Variants in MLXIPL observed in about 807,000 individuals in gnomAD.
MLXIPL encodes carbohydrate-responsive element-binding protein.
MLXIPL carries 49 observed loss-of-function variants against 81.5 expected under a neutral mutation model. The ratio of observed to expected loss-of-function variants is 0.60; its 90% CI spans 0.48 to 0.76. The LOEUF (loss-of-function observed/expected upper bound fraction) is 0.76, where lower values mean the gene tolerates loss of function less well. Ranked by LOEUF, MLXIPL falls within the 30% of genes least tolerant of loss-of-function variation. MLXIPL has a pLI of 0.00. For missense variants in MLXIPL, 1,053 were observed against 1,167.0 expected (o/e 0.90, Z 1.42); for synonymous variants, 466 against 485.5 (o/e 0.96, Z 0.53).
intron 2 of MLXIPL, 107 bp from the exon 3 acceptor site, chr7:73,607,779 A>G: frequency 1.1e-6 from 1 of 949,918 alleles, no homozygotes; most frequent in Non-Finnish European, 1.6e-6. Context: ...TTGGCCTTTG[A>G]CGTTCAGATT....
chr7:73,647,419 G>C, the MLXIPL span, among the ~76,000 whole-genome samples: 1 of 152,104 alleles, frequency 6.6e-6, no homozygotes, highest in Admixed American at 6.5e-5. Flanking sequence ...GACTCCCTGG[G>C]CCCCCTCTCA....
chr7:73,606,038 C>G lies in MLXIPL; in HGVS notation c.692G>C (p.Gly231Ala). Residue 231 changes from glycine (G) to alanine (A), a missense_variant, in exon 6 of 17, where the codon GGG (glycine) becomes GCG (alanine). Coordinates refer to ENST00000313375, the MANE Select transcript of MLXIPL (RefSeq NM_032951.3). ...CCCACCCGGCTCCTCCTCTGGGTCCCCCAGCAGCACGGGGACCACACTGGA... is the reference window on the plus strand; with the variant it reads ...CCCACCCGGCTCCTCCTCTGGGTCCGCCAGCAGCACGGGGACCACACTGGA... ...LFSSVVPVLL[G>A]DPEEEPGGRQ... The G allele has an allele frequency of 1.3e-6, 2 of 1,589,996 alleles. No individual in the cohort carries two copies. Among genetic ancestry groups the G allele is most frequent in the Non-Finnish European group, 1.7e-6 (2 of 1,168,208 alleles).
In MLXIPL at chr7:73,596,318, G is replaced by T; in HGVS notation, c.1938+46C>A. ...GTGAGCCTAGGAAGGAGCCCAGGAGGGCCTGGGGGTAGCAAACCGATCTTG... is the reference window on the plus strand; with the variant it reads ...GTGAGCCTAGGAAGGAGCCCAGGAGTGCCTGGGGGTAGCAAACCGATCTTG... On this transcript the variant is annotated intron_variant, in intron 12 of 16. Transcript: ENST00000313375. This position sits in a 1 kb window ranked among gnomAD's most constrained non-coding sequence, Gnocchi z 4.7. The T allele has an allele frequency of 1.2e-6, 2 of 1,613,108 alleles. No individual in the cohort carries two copies. The highest frequency in any genetic ancestry group is 1.7e-6 in the Non-Finnish European group (2 of 1,179,830).
chr7:73,624,136 C>T (rs1291996334), intron 1 of MLXIPL, 64 bp downstream of exon 1: 7 of 1,226,506 alleles, frequency 5.7e-6, no homozygotes, highest in East Asian at 5.6e-5. Context: ...CGCAGTCCTG[C>T]CCCGGACCCC....
At chr7:73,603,290 T>C (rs139414499) in intron 7 of MLXIPL, among the ~76,000 whole-genome samples, 1 of 152,264 alleles carries the variant, frequency 6.6e-6, no homozygotes, top group Non-Finnish European at 1.5e-5. Context: ...CCCACACTTT[T>C]TCCCCCATGC....
rs200461807 is a variant in MLXIPL, at chr7:73,596,742, C to T, written c.1719G>A (p.Pro573=). 1.8e-5 allele frequency: 29 copies of T among 1,595,452 alleles called. No homozygotes were observed. Among genetic ancestry groups the T allele is most frequent in the African/African-American group, 5.3e-5 (4 of 74,768 alleles). ...EFPCTFLPPT[P]APTPPRPPPG... is the part of the protein sequence containing the mutation. ...GAGGTGGCCGGGGCGGTGTAGGGGC[C>T]GGGGTCGGGGGAAGGAATGTGCAGG... The change falls in exon 11 of 17, where the codon CCG becomes CCA. Residue 573 remains proline, a synonymous_variant. Transcript: ENST00000313375. The surrounding 1 kb of genome is among the most constrained non-coding windows in gnomAD (Gnocchi z 4.7).
In MLXIPL at chr7:73,599,710, C is replaced by T. The variant is rs1296450906; in HGVS notation, c.902-15G>A. On this transcript the variant is annotated splice_polypyrimidine_tract_variant and intron_variant, in intron 7 of 16. Transcript: ENST00000313375. ...GGTAAAGAAATCTGTAATTCAGACA[C>T]ACAGGGCAACAGCAGTTAGGGCCAG... 6.3e-7 allele frequency: 1 copy of T among 1,599,466 alleles called. No homozygotes were observed. The highest frequency in any genetic ancestry group is 8.5e-7 in the Non-Finnish European group (1 of 1,172,256).
chr7:73,637,651 T>G, the MLXIPL span, among the ~76,000 whole-genome samples: 1 of 146,072 alleles, frequency 6.8e-6, no homozygotes, highest in Non-Finnish European at 1.5e-5. Flanking sequence ...ATAGGATACC[T>G]GGCCCAAGGT....
chr7:73,633,725 G>A, the MLXIPL span, among the ~76,000 whole-genome samples: 1 of 152,148 alleles, frequency 6.6e-6, no homozygotes, highest in Non-Finnish European at 1.5e-5. Context: ...AAGTTGCTGG[G>A]ATTCCAGGCG....
chr7:73,625,424 G>A (rs1362611587), upstream of MLXIPL, among the ~76,000 whole-genome samples: 3 of 152,178 alleles, frequency 2.0e-5, no homozygotes, highest in Non-Finnish European at 2.9e-5. Context: ...TGAAGGGCCT[G>A]GCCCACAGGA....
Position 73,599,801 on chromosome 7 carries a change from G to A in MLXIPL, c.902-106C>T, listed in dbSNP as rs1584087198. The A allele has an allele frequency of 7.2e-6, 8 of 1,115,134 alleles. No homozygotes were observed. The Admixed American group carries it at 1.2e-4, about 16-fold the overall frequency. 69.1% of individuals were successfully genotyped at this position (1,115,134 alleles called of 1,614,324 possible). A position where few individuals can be genotyped will look rare whatever the true frequency, so the allele number is the denominator to read the frequency against. On this transcript the variant is annotated intron_variant, in intron 7 of 16. Coordinates refer to ENST00000313375, the MANE Select transcript of MLXIPL (RefSeq NM_032951.3). ...CCCAGCCTTGGCGGGTGGGGACATG[G>A]GGACTGGCGGGCAGAGGGTGGGGGT...
intron 7 of MLXIPL, 116 bp downstream of exon 7, chr7:73,605,572 G>GA: frequency 1.1e-6 from 1 of 891,644 alleles, no homozygotes; most frequent in Non-Finnish European, 1.8e-6. Context: ...TAAAAAGACA[G>GA]AAAAAAAGAA....
intron 15 of MLXIPL, among the ~76,000 whole-genome samples, chr7:73,595,003 G>A (rs999942499): frequency 2.0e-4 from 31 of 151,940 alleles, no homozygotes; most frequent in Admixed American, 1.6e-3. Context: ...ATGCCACCAC[G>A]CTTGGCTAAT....
chr7:73,595,702 G>T lies in MLXIPL; in HGVS notation c.2245C>A (p.Gln749Lys). The T allele has an allele frequency of 6.2e-7, 1 of 1,614,048 alleles. No homozygotes were observed. Among genetic ancestry groups the T allele is most frequent in the South Asian group, 1.1e-5 (1 of 91,066 alleles). ...TAGTCATCAAACATGTCTCGCATCTGGTCAAAACGCTGGTGTGTGATGGGT... is the reference window on the plus strand; with the variant it reads ...TAGTCATCAAACATGTCTCGCATCTTGTCAAAACGCTGGTGTGTGATGGGT... ...GVPITHQRFD[Q>K]MRDMFDDYVR... is the part of the protein sequence containing the mutation. The change falls in exon 15 of 17, where the codon CAG becomes AAG. Residue 749 changes from glutamine to lysine, a missense_variant. By Grantham distance (53) the Gln-to-Lys change is moderately conservative. This residue lies in a region of MLXIPL where 823 missense variants were observed against 933.0 expected (regional missense o/e 0.88). Coordinates refer to ENST00000313375, the MANE Select transcript of MLXIPL (RefSeq NM_032951.3).
chr7:73,614,851 C>T (rs1554600462), intron 2 of MLXIPL, among the ~76,000 whole-genome samples: 8 of 150,154 alleles, frequency 5.3e-5, no homozygotes. Context: ...CGCCCTGTCG[C>T]CCAGGCTGGA....
At chr7:73,601,456 G>A (rs1234665070) in intron 7 of MLXIPL, among the ~76,000 whole-genome samples, 1 of 152,012 alleles carries the variant, frequency 6.6e-6, no homozygotes, top group Non-Finnish European at 1.5e-5. Flanking sequence ...CCCATCCCCT[G>A]GTGGCTCCCT....
chr7:73,640,820 C>A, the MLXIPL span, among the ~76,000 whole-genome samples: 1 of 150,952 alleles, frequency 6.6e-6, no homozygotes, highest in Non-Finnish European at 1.5e-5. Flanking sequence ...CAGATGATGG[C>A]ATGGGAACCC....
intron 3 of MLXIPL, 79 bp downstream of exon 3, chr7:73,607,511 G>T: frequency 6.4e-7 from 1 of 1,568,714 alleles, no homozygotes; most frequent in East Asian, 2.3e-5. Context: ...TCTGCTCAGC[G>T]CAAGGCTACA....
At chr7:73,636,871 C>A in the MLXIPL span, among the ~76,000 whole-genome samples, 1 of 152,058 alleles carries the variant, frequency 6.6e-6, no homozygotes, top group Non-Finnish European at 1.5e-5. Flanking sequence ...CCCAGCCTGG[C>A]CAAGATGGTG....
Sources: allele counts gnomAD v4.1 joint callset (sites outside exome capture counted in the v4.1 genomes callset), GRCh38; gene constraint gnomAD v4.1.1; regional missense constraint gnomAD v4.1.1; non-coding constraint Gnocchi (gnomAD v3.1); transcripts MANE v1.5; gene names NCBI Gene and HGNC (gene_info 2026-07-23, HGNC 2026-07-21).